Variants in CACNA2D1 observed in about 807,000 individuals in gnomAD.
CACNA2D1 encodes the protein calcium voltage-gated channel auxiliary subunit alpha2delta 1.
A neutral mutation model predicts 171.5 loss-of-function variants in CACNA2D1; 53 were observed. The observed-to-expected ratio is 0.31, with a 90% CI of 0.25 to 0.39. CACNA2D1 has a LOEUF of 0.39. Among genes scored for constraint, CACNA2D1 ranks in the 10% least tolerant of loss-of-function variants. The pLI is 1.00. For synonymous variants in CACNA2D1, 442 were observed against 443.1 expected (o/e 1.00, Z 0.03); for missense variants, 903 against 1,299.8 (o/e 0.69, Z 4.69).
At chr7:82,256,752 C>T (rs1167664924) in intron 3 of CACNA2D1, among the ~76,000 whole-genome samples, 4 of 152,122 alleles carry the variant, frequency 2.6e-5, no homozygotes, top group Non-Finnish European at 5.9e-5. Context: ...TTAGAAGATG[C>T]TATCATATTC....
At chr7:82,289,877 C>T (rs917461733) in intron 3 of CACNA2D1, among the ~76,000 whole-genome samples, 11 of 152,180 alleles carry the variant, frequency 7.2e-5, no homozygotes, top group African/African-American at 1.4e-4. Context: ...GGTATAGGGA[C>T]ATGACATACT....
chr7:82,140,870 G>C (rs991061166), intron 4 of CACNA2D1, among the ~76,000 whole-genome samples: 6 of 148,640 alleles, frequency 4.0e-5, no homozygotes, highest in African/African-American at 1.5e-4. Flanking sequence ...CAGGAGAATG[G>C]CGTGAACCTG....
intron 3 of CACNA2D1, among the ~76,000 whole-genome samples, chr7:82,325,320 T>C (rs1224734536): frequency 6.6e-6 from 1 of 152,180 alleles, no homozygotes; most frequent in Non-Finnish European, 1.5e-5. Context: ...TCAGGTTATG[T>C]CTGAATTTTA....
intron 1 of CACNA2D1, among the ~76,000 whole-genome samples, chr7:82,385,660 G>C (rs1824272719): frequency 1.3e-5 from 2 of 151,846 alleles, no homozygotes; most frequent in Non-Finnish European, 2.9e-5. Context: ...GTTTTGTTTT[G>C]TTTTGTTTTG....
chr7:81,981,587 C>T (rs1205724274), intron 24 of CACNA2D1, among the ~76,000 whole-genome samples: 2 of 152,114 alleles, frequency 1.3e-5, no homozygotes, highest in Admixed American at 1.3e-4. Context: ...GAAAAATTAA[C>T]AATCCAAGCT....
intron 1 of CACNA2D1, among the ~76,000 whole-genome samples, chr7:82,360,070 A>G (rs997346103): frequency 3.6e-4 from 55 of 152,310 alleles, no homozygotes; most frequent in African/African-American, 1.3e-3. Flanking sequence ...AGAAGCCAAG[A>G]ATGTATAACT....
rs149386688 is a variant in CACNA2D1, at chr7:81,953,544, T to C, written c.3160-3036A>G. Among the ~76,000 whole-genome samples the C allele has an allele frequency of 4.1e-3, 595 of 144,074 alleles. 6 individuals are homozygous for C. The highest frequency in any genetic ancestry group is 4.9e-3 in the Non-Finnish European group (322 of 65,614). The allele number at this position is 144,074 out of a possible 152,430, so 94.5% of individuals were successfully genotyped here. A position where few individuals can be genotyped will look rare whatever the true frequency, so the allele number is the denominator to read the frequency against. Reference sequence around the variant, plus strand: ...ATAAAAAACAGGGTACCAGTAACAATTGAATATCAGATTAAAAAAAAAACA... The same window carrying C: ...ATAAAAAACAGGGTACCAGTAACAACTGAATATCAGATTAAAAAAAAAACA... On this transcript the variant is annotated intron_variant, in intron 38 of 38. Coordinates refer to ENST00000356860, the MANE Select transcript of CACNA2D1 (RefSeq NM_000722.4).
intron 3 of CACNA2D1, among the ~76,000 whole-genome samples, chr7:82,228,540 G>T (rs868564551): frequency 2.8e-4 from 43 of 152,148 alleles, no homozygotes; most frequent in South Asian, 1.0e-3. Context: ...AGTTCTTAGA[G>T]ATTTCTGAAT....
At chr7:82,162,356 G>GA (rs1465201161) in intron 4 of CACNA2D1, among the ~76,000 whole-genome samples, 4 of 151,952 alleles carry the variant, frequency 2.6e-5, no homozygotes, top group Middle Eastern at 3.4e-3. Flanking sequence ...AAGATAAAGT[G>GA]AAAAAACTTT....
chr7:82,116,845 C>T (rs1351421927), intron 6 of CACNA2D1, among the ~76,000 whole-genome samples, 199 bp downstream of exon 6: 1 of 152,116 alleles, frequency 6.6e-6, no homozygotes, highest in Non-Finnish European at 1.5e-5. Flanking sequence ...TACAAATATT[C>T]GTTTAGTGAG....
At chr7:82,115,370 A>G (rs1367719663) in intron 6 of CACNA2D1, among the ~76,000 whole-genome samples, 2 of 152,178 alleles carry the variant, frequency 1.3e-5, no homozygotes, top group East Asian at 3.8e-4. Flanking sequence ...TATCAAAAGT[A>G]ACTACAGAAA....
intron 6 of CACNA2D1, among the ~76,000 whole-genome samples, chr7:82,095,173 T>C (rs1286422286): frequency 6.6e-6 from 1 of 152,078 alleles, no homozygotes; most frequent in Non-Finnish European, 1.5e-5. Flanking sequence ...CTTCTCTGTC[T>C]GGACTGAGTT....
intron 1 of CACNA2D1, among the ~76,000 whole-genome samples, chr7:82,426,620 A>G (rs2129458208): frequency 6.6e-6 from 1 of 152,328 alleles, no homozygotes; most frequent in East Asian, 1.9e-4. Context: ...ATTATTGCTT[A>G]TGTATCTTTA....
chr7:82,105,398 C>CTTTTTTT (rs572031121), intron 6 of CACNA2D1, among the ~76,000 whole-genome samples: 27 of 99,452 alleles, frequency 2.7e-4, no homozygotes, highest in East Asian at 9.9e-4. Context: ...CAGTTTTTGT[C>CTTTTTTT]TTTTTTTTTT....
intron 3 of CACNA2D1, among the ~76,000 whole-genome samples, chr7:82,316,504 C>T (rs1286648015): frequency 6.6e-6 from 1 of 152,142 alleles, no homozygotes; most frequent in Non-Finnish European, 1.5e-5. Context: ...TAAAATAAGA[C>T]ATGCTTATAA....
At chr7:82,170,444 A>G in intron 4 of CACNA2D1, 106 bp downstream of exon 4, 1 of 961,680 alleles carries the variant, frequency 1.0e-6, no homozygotes, top group East Asian at 2.4e-5. Flanking sequence ...TTTTAATCCC[A>G]CAACATCATA....
rs535026785 is a variant in CACNA2D1, at chr7:81,979,248, TTAACTC to T, written c.1955+3313_1955+3318del. ...TTATGATGATGAAAATGTTCTAAAA[TTAACTC>T]TAGTGATAGTTGTACATATATGTAA... On this transcript the variant is annotated intron_variant, in intron 24 of 38. Coordinates refer to ENST00000356860, the MANE Select transcript of CACNA2D1 (RefSeq NM_000722.4). 3.4e-3 allele frequency among the ~76,000 whole-genome samples: 522 copies of T among 152,202 alleles called. 4 individuals carry two copies. Among genetic ancestry groups the T allele is most frequent in the Non-Finnish European group, 4.0e-3 (269 of 68,030 alleles).
At chr7:82,331,730 T>C (rs921749679) in intron 3 of CACNA2D1, among the ~76,000 whole-genome samples, 8 of 152,184 alleles carry the variant, frequency 5.3e-5, no homozygotes, top group Non-Finnish European at 8.8e-5. Flanking sequence ...TAGAATTCTA[T>C]TTTAATCCAA....
At chr7:82,216,018 AATC>A (rs1563212161) in intron 3 of CACNA2D1, among the ~76,000 whole-genome samples, 1 of 152,190 alleles carries the variant, frequency 6.6e-6, no homozygotes, top group Non-Finnish European at 1.5e-5. Flanking sequence ...ACTAGTCAAA[AATC>A]ATTTTGCCTC....
Sources: gnomAD v4.1 joint callset for allele counts (sites outside exome capture counted in the v4.1 genomes callset) on GRCh38, gnomAD v4.1.1 for gene constraint, MANE v1.5 for transcripts, NCBI Gene and HGNC (gene_info 2026-07-23, HGNC 2026-07-21) for gene names.